Variants in TPST1 observed in about 807,000 individuals in gnomAD.
TPST1 encodes the protein protein-tyrosine sulfotransferase 1.
TPST1 carries 20 observed loss-of-function variants against 34.8 expected under a neutral mutation model. The observed-to-expected ratio is 0.57, with a 90% CI of 0.40 to 0.84. The LOEUF (loss-of-function observed/expected upper bound fraction) is 0.84. TPST1 is among the 40% of genes least tolerant of loss of function. The pLI, the probability that TPST1 is intolerant of heterozygous loss-of-function variation, is 0.00. For missense variants in TPST1, 353 were observed against 455.5 expected, an observed-to-expected ratio of 0.78 and a Z score of 2.05; for synonymous variants, 152 against 159.4, an observed-to-expected ratio of 0.95 and a Z score of 0.35.
chr7:66,233,868 T>C (rs1789849747), intron 1 of TPST1, among the ~76,000 whole-genome samples: 1 of 151,572 alleles, frequency 6.6e-6, no homozygotes, highest in African/African-American at 2.4e-5. Flanking sequence ...TTCCTGCTTC[T>C]TTTTTTTTCT....
chr7:66,202,725 T>C (rs1023076560), upstream of TPST1, among the ~76,000 whole-genome samples: 1 of 152,144 alleles, frequency 6.6e-6, no homozygotes, highest in African/African-American at 2.4e-5. Flanking sequence ...AGAGGATCGC[T>C]TGAGGTCAGA....
At chr7:66,220,758 G>A (rs1789526036) in intron 1 of TPST1, among the ~76,000 whole-genome samples, 1 of 27,474 alleles carries the variant, frequency 3.6e-5, no homozygotes, top group Non-Finnish European at 7.6e-5. Flanking sequence ...TTATGGTGAG[G>A]ACTTAATTTT....
upstream of TPST1, among the ~76,000 whole-genome samples, chr7:66,203,983 C>T (rs1249772976): frequency 1.3e-5 from 2 of 151,946 alleles, no homozygotes; most frequent in Admixed American, 6.6e-5. Flanking sequence ...TCAAGATCAG[C>T]CTGGGCAACT....
At chr7:66,316,057 C>T (rs1463069680) in intron 3 of TPST1, among the ~76,000 whole-genome samples, 1 of 151,312 alleles carries the variant, frequency 6.6e-6, no homozygotes, top group Admixed American at 6.6e-5. Context: ...TTGCGGTGAG[C>T]CAAATTCATG....
intron 3 of TPST1, among the ~76,000 whole-genome samples, chr7:66,330,919 C>CGT (rs1791983894): frequency 6.6e-6 from 1 of 152,164 alleles, no homozygotes; most frequent in African/African-American, 2.4e-5. Flanking sequence ...AATCAACAAA[C>CGT]GTGTTGTCTC....
At chr7:66,321,201 C>G (rs763765373) in intron 3 of TPST1, among the ~76,000 whole-genome samples, 3 of 152,140 alleles carry the variant, frequency 2.0e-5, no homozygotes, top group African/African-American at 4.8e-5. Context: ...TCCAATGTGC[C>G]CTCTCAGTGG....
intron 3 of TPST1, among the ~76,000 whole-genome samples, chr7:66,329,559 TG>T (rs1481970461): frequency 6.6e-6 from 1 of 152,208 alleles, no homozygotes; most frequent in East Asian, 1.9e-4. Flanking sequence ...GGTTTTTGTT[TG>T]TGAGGGCTAT....
chr7:66,273,829 G>T (rs1424537806), intron 2 of TPST1, among the ~76,000 whole-genome samples: 1 of 151,678 alleles, frequency 6.6e-6, no homozygotes, highest in Non-Finnish European at 1.5e-5. Context: ...TTGAGACAGG[G>T]TCTCACTCTG....
chr7:66,352,745 AAC>A (rs1792507604), intron 4 of TPST1, 190 bp downstream of exon 4: 1 of 985,440 alleles, frequency 1.0e-6, no homozygotes, highest in Non-Finnish European at 1.2e-6. Context: ...ACAATAATTT[AAC>A]ACAGTCTTAA....
At chr7:66,304,788 T>G (rs1791388236) in intron 3 of TPST1, among the ~76,000 whole-genome samples, 1 of 151,948 alleles carries the variant, frequency 6.6e-6, no homozygotes, top group Admixed American at 6.6e-5. Context: ...ATCCTAAAAC[T>G]TACATATACT....
At chr7:66,302,523 G>T in intron 3 of TPST1, among the ~76,000 whole-genome samples, 1 of 151,988 alleles carries the variant, frequency 6.6e-6, no homozygotes, top group East Asian at 1.9e-4. Flanking sequence ...TTTACACTTG[G>T]GACTCTTTCA....
At chr7:66,250,054 T>C (rs1790231369) in intron 2 of TPST1, among the ~76,000 whole-genome samples, 2 of 152,202 alleles carry the variant, frequency 1.3e-5, no homozygotes, top group Admixed American at 1.3e-4. Flanking sequence ...TCAAATACTA[T>C]CTCTCTCCGT....
intron 1 of TPST1, among the ~76,000 whole-genome samples, chr7:66,208,338 C>T (rs1789173997): frequency 2.0e-5 from 3 of 152,174 alleles, no homozygotes; most frequent in Admixed American, 2.0e-4. Flanking sequence ...AGAGTGAGGA[C>T]AAGTTTCTGT....
chr7:66,238,477 T>A (rs574431492), intron 1 of TPST1, among the ~76,000 whole-genome samples: 1 of 151,592 alleles, frequency 6.6e-6, no homozygotes, highest in African/African-American at 2.4e-5. Context: ...ACAGTTGTTA[T>A]GGAGGCCTGC....
intron 3 of TPST1, among the ~76,000 whole-genome samples, chr7:66,313,564 C>T (rs760302158): frequency 6.6e-6 from 1 of 152,118 alleles, no homozygotes; most frequent in Non-Finnish European, 1.5e-5. Flanking sequence ...ATATTTGGAC[C>T]TCTATGTCTT....
At chr7:66,282,390 A>AGGC (rs1273210306) in intron 2 of TPST1, among the ~76,000 whole-genome samples, 2 of 152,214 alleles carry the variant, frequency 1.3e-5, no homozygotes, top group Non-Finnish European at 2.9e-5. Context: ...AAGCAGCCAT[A>AGGC]GGCAGTACAG....
chr7:66,337,931 A>G (rs1792155183), intron 3 of TPST1, among the ~76,000 whole-genome samples: 1 of 152,216 alleles, frequency 6.6e-6, no homozygotes, highest in Admixed American at 6.5e-5. Context: ...GGAAAATAGG[A>G]AGAAAGAATC....
intron 2 of TPST1, among the ~76,000 whole-genome samples, chr7:66,254,014 A>G (rs1790328917): frequency 6.6e-6 from 1 of 151,208 alleles, no homozygotes; most frequent in Non-Finnish European, 1.5e-5. Context: ...AAAAAAAAAA[A>G]AAAAAAGAAA....
intron 3 of TPST1, among the ~76,000 whole-genome samples, chr7:66,305,874 T>A (rs1006360634): frequency 6.6e-6 from 1 of 152,258 alleles, no homozygotes; most frequent in Non-Finnish European, 1.5e-5. Context: ...TCACTTAAGT[T>A]GTCAAATTTG....
Sources: allele counts gnomAD v4.1 joint callset (sites outside exome capture counted in the v4.1 genomes callset), GRCh38; gene constraint gnomAD v4.1.1; transcripts MANE v1.5; gene names NCBI Gene and HGNC (gene_info 2026-07-23, HGNC 2026-07-21).